Variants in COLEC10 observed in about 807,000 individuals in gnomAD.
COLEC10 encodes the protein collectin subfamily member 10, also known as collectin-10.
In COLEC10, 22 loss-of-function variants were observed where a neutral mutation model predicts 28.4. That is an observed-to-expected ratio of 0.78 (90% CI 0.55 to 1.11). The LOEUF is 1.11. Ranked by LOEUF, COLEC10 falls within the 50% of genes least tolerant of loss-of-function variation. The probability of loss-of-function intolerance (pLI) is 0.00; values close to 1 mark genes in which losing one functional copy is unlikely to be tolerated. For synonymous variants in COLEC10, 125 were observed against 116.1 expected (o/e 1.08, Z -0.49); for missense variants, 361 against 344.1 (o/e 1.05, Z -0.39).
intron 2 of COLEC10, among the ~76,000 whole-genome samples, chr8:119,017,310 A>T (rs1274362682): frequency 6.6e-6 from 1 of 152,186 alleles, no homozygotes; most frequent in Non-Finnish European, 1.5e-5. Flanking sequence ...ACTGTTAATT[A>T]TAAGGCAATA....
intron 1 of COLEC10, among the ~76,000 whole-genome samples, chr8:119,006,827 A>G (rs60727179): frequency 0.03 from 4,501 of 152,056 alleles, 125 homozygotes; most frequent in East Asian, 0.16. Flanking sequence ...AATTCTCCTG[A>G]GTTCTTATAG....
At chr8:118,978,602 T>C in the COLEC10 span, among the ~76,000 whole-genome samples, 2 of 152,080 alleles carry the variant, frequency 1.3e-5, no homozygotes, top group African/African-American at 4.8e-5. Context: ...TGTAAGTTCA[T>C]ATTACTGTAA....
At chr8:119,076,945 C>T (rs62532197) in intron 1 of COLEC10, among the ~76,000 whole-genome samples, 2,227 of 152,206 alleles carry the variant, frequency 0.015, 26 homozygotes, top group Middle Eastern at 0.027. Context: ...AAGAAATGTG[C>T]GTGGGTTGGG....
intron 1 of COLEC10, among the ~76,000 whole-genome samples, chr8:118,998,959 G>T (rs1813640361): frequency 1.3e-5 from 2 of 151,124 alleles, no homozygotes; most frequent in African/African-American, 2.4e-5. Context: ...AGCATTTATT[G>T]GATGCCCCCT....
chr8:119,020,107 C>T (rs1195097443), intron 2 of COLEC10, among the ~76,000 whole-genome samples: 1 of 152,096 alleles, frequency 6.6e-6, no homozygotes, highest in African/African-American at 2.4e-5. Context: ...ATAGCCTGGC[C>T]TTCCTTTTTC....
intron 1 of COLEC10, among the ~76,000 whole-genome samples, chr8:119,086,407 A>G (rs1470413035): frequency 6.6e-6 from 1 of 151,922 alleles, no homozygotes; most frequent in Non-Finnish European, 1.5e-5. Context: ...GTCCCTATCC[A>G]AAGCTTGCTT....
intron 2 of COLEC10, among the ~76,000 whole-genome samples, chr8:119,022,941 C>T (rs957410812): frequency 2.0e-5 from 3 of 152,038 alleles, no homozygotes; most frequent in African/African-American, 7.2e-5. Flanking sequence ...AGTCTGAGCT[C>T]CTTGATCTTC....
the COLEC10 span, among the ~76,000 whole-genome samples, chr8:118,981,551 T>C: frequency 6.6e-6 from 1 of 152,120 alleles, no homozygotes; most frequent in Non-Finnish European, 1.5e-5. Flanking sequence ...TAACCTTGGG[T>C]AAAAATGAGA....
intron 2 of COLEC10, among the ~76,000 whole-genome samples, chr8:119,039,038 G>A (rs1436465187): frequency 6.6e-6 from 1 of 151,972 alleles, no homozygotes; most frequent in Non-Finnish European, 1.5e-5. Flanking sequence ...GTTTCTACAA[G>A]ATCAGGGCTC....
the COLEC10 span, among the ~76,000 whole-genome samples, chr8:118,972,943 T>C: frequency 6.6e-6 from 1 of 151,974 alleles, no homozygotes. Flanking sequence ...CAAGAAGTGC[T>C]GAGCAAAAGA....
chr8:119,047,104 A>AT (rs1354758025), intron 2 of COLEC10, among the ~76,000 whole-genome samples: 1 of 152,200 alleles, frequency 6.6e-6, no homozygotes, highest in Admixed American at 6.5e-5. Flanking sequence ...TCAAAAATGT[A>AT]TTTTTTGGAA....
At chr8:118,959,942 G>T in the COLEC10 span, among the ~76,000 whole-genome samples, 1 of 152,246 alleles carries the variant, frequency 6.6e-6, no homozygotes, top group East Asian at 1.9e-4. Context: ...GCATAATGAT[G>T]TGAGTATGGT....
intron 2 of COLEC10, among the ~76,000 whole-genome samples, chr8:119,061,907 A>G (rs1203304715): frequency 6.6e-6 from 1 of 152,196 alleles, no homozygotes; most frequent in Non-Finnish European, 1.5e-5. Context: ...GAAATTTCTA[A>G]GAAAAGTAAA....
chr8:118,982,654 C>A, the COLEC10 span: 1 of 183,844 alleles, frequency 5.4e-6, no homozygotes, highest in East Asian at 1.3e-4. Flanking sequence ...GGAAGATCTC[C>A]TTTTCAGAAG....
chr8:118,982,234 C>T, the COLEC10 span, among the ~76,000 whole-genome samples: 1 of 151,984 alleles, frequency 6.6e-6, no homozygotes, highest in African/African-American at 2.4e-5. Flanking sequence ...AATGCTACAC[C>T]TACCTCCCTT....
chr8:119,060,144 C>T lies in COLEC10; in HGVS notation n.236-29536C>T, dbSNP rs144791445. Among the ~76,000 whole-genome samples, 10 of 152,156 alleles carry T rather than the reference C, an allele frequency of 6.6e-5. 1 individual carries two copies. Among genetic ancestry groups the T allele is most frequent in the African/African-American group, 2.4e-4 (10 of 41,536 alleles). On this transcript the variant is annotated intron_variant and non_coding_transcript_variant, in intron 2 of 6. Coordinates refer to the COLEC10 transcript ENST00000521788. ...AAATCTACATGTTTATTCTCTGCTC[C>T]CTCCACAATGTCACCAAAATAGCAG... is the stretch of plus-strand genomic sequence containing the variant.
intron 2 of COLEC10, among the ~76,000 whole-genome samples, chr8:119,027,259 A>C (rs2130119830): frequency 6.6e-6 from 1 of 152,284 alleles, no homozygotes; most frequent in Admixed American, 6.5e-5. Context: ...GATTTAACCT[A>C]TATCAAAAGA....
At chr8:118,976,695 A>G in the COLEC10 span, 1 of 152,226 alleles carries the variant, frequency 6.6e-6, no homozygotes, top group Non-Finnish European at 1.5e-5. Flanking sequence ...ATGGGCAAGG[A>G]CTTCATGTCT....
rs567027110 is a variant in COLEC10, at chr8:119,003,048, A to T, written n.123-6393A>T. Among the ~76,000 whole-genome samples, 7 of 152,278 alleles carry T rather than the reference A, an allele frequency of 4.6e-5. No individual in the cohort carries two copies. The South Asian group carries it at 1.5e-3, about 32-fold the overall frequency. ...AAGAGAAATATTCTGGCTGAATATC[A>T]TAACTAGTTTTGAAATGCATGTGTA... On this transcript the variant is annotated intron_variant and non_coding_transcript_variant, in intron 1 of 6. Coordinates refer to the COLEC10 transcript ENST00000521788.
Sources: gnomAD v4.1 joint callset for allele counts (sites outside exome capture counted in the v4.1 genomes callset) on GRCh38, gnomAD v4.1.1 for gene constraint, MANE v1.5 for transcripts, NCBI Gene and HGNC (gene_info 2026-07-23, HGNC 2026-07-21) for gene names.